The following THADA variants were observed in gnomAD, a reference collection of about 807,000 sequenced individuals.
The protein encoded by THADA is THADA armadillo repeat containing.
A neutral mutation model predicts 219.8 loss-of-function variants in THADA; 213 were observed. The ratio of observed to expected loss-of-function variants is 0.97; its 90% confidence interval spans 0.87 to 1.09. The LOEUF (loss-of-function observed/expected upper bound fraction) is 1.09, where lower values mean the gene tolerates loss of function less well. THADA is among the 50% of genes least tolerant of loss of function. THADA has a pLI of 0.00. For synonymous variants in THADA, 1,018 were observed against 828.9 expected, an observed-to-expected ratio of 1.23 and a Z score of -3.92; for missense variants, 2,956 against 2,311.3, an observed-to-expected ratio of 1.28 and a Z score of -5.72.
intron 8 of THADA, among the ~76,000 whole-genome samples, chr2:43,580,586 A>C (rs1700326632): frequency 6.6e-6 from 1 of 152,130 alleles, no homozygotes; most frequent in Non-Finnish European, 1.5e-5. Context: ...AGGGTTAAAA[A>C]CACAAACAAT....
chr2:43,358,459 G>A (rs1227613748), intron 29 of THADA, among the ~76,000 whole-genome samples: 2 of 152,160 alleles, frequency 1.3e-5, no homozygotes, highest in African/African-American at 4.8e-5. Context: ...CCCACTGGGG[G>A]CAGAGAAGGC....
At chr2:43,427,617 T>C (rs377184104) in intron 28 of THADA, among the ~76,000 whole-genome samples, 2 of 148,634 alleles carry the variant, frequency 1.3e-5, no homozygotes, top group African/African-American at 4.9e-5. Context: ...AATAGTTATA[T>C]ATATAATAGT....
At chr2:43,386,678 G>A (rs1025312424) in intron 29 of THADA, among the ~76,000 whole-genome samples, 2 of 152,118 alleles carry the variant, frequency 1.3e-5, no homozygotes, top group Non-Finnish European at 1.5e-5. Context: ...TAGATTACCT[G>A]AGGTTGGGGG....
At chr2:43,449,399 A>G (rs1214146253) in intron 26 of THADA, among the ~76,000 whole-genome samples, 1 of 152,166 alleles carries the variant, frequency 6.6e-6, no homozygotes, top group Non-Finnish European at 1.5e-5. Context: ...AGGTAAAGAG[A>G]TTATCTAAAG....
At chr2:43,317,638 C>A (rs1366429642) in intron 31 of THADA, among the ~76,000 whole-genome samples, 1 of 152,218 alleles carries the variant, frequency 6.6e-6, no homozygotes, top group Non-Finnish European at 1.5e-5. Context: ...ACAGTGCTTT[C>A]CATCTTAATT....
At chr2:43,292,057 G>C (rs1381160983) in intron 33 of THADA, 47 bp downstream of exon 33, 4 of 1,273,408 alleles carry the variant, frequency 3.1e-6, no homozygotes. Context: ...ATGACTGATG[G>C]GACCATACAT....
intron 29 of THADA, among the ~76,000 whole-genome samples, chr2:43,386,682 T>C (rs1213941108): frequency 6.6e-6 from 1 of 152,038 alleles, no homozygotes; most frequent in East Asian, 1.9e-4. Flanking sequence ...TTACCTGAGG[T>C]TGGGGGTTCA....
intron 25 of THADA, among the ~76,000 whole-genome samples, chr2:43,496,197 T>C (rs909438947): frequency 6.6e-6 from 1 of 152,200 alleles, no homozygotes; most frequent in Non-Finnish European, 1.5e-5. Context: ...TTTGCCAGAC[T>C]TTTTACTTTA....
chr2:43,448,153 C>A (rs35114568), intron 26 of THADA, among the ~76,000 whole-genome samples: 24,227 of 152,208 alleles, frequency 0.16, 2,453 homozygotes, highest in Middle Eastern at 0.23. Flanking sequence ...GTAGGAAGCA[C>A]TAGGAACCTG....
At chr2:43,319,750 G>A (rs1436229521) in intron 31 of THADA, among the ~76,000 whole-genome samples, 1 of 152,120 alleles carries the variant, frequency 6.6e-6, no homozygotes, top group African/African-American at 2.4e-5. Flanking sequence ...TTAACCAGTT[G>A]CAGACTCATT....
intron 29 of THADA, among the ~76,000 whole-genome samples, chr2:43,397,471 T>C (rs1674219911): frequency 1.3e-5 from 2 of 152,050 alleles, no homozygotes; most frequent in Admixed American, 1.3e-4. Flanking sequence ...TTATTCAAAG[T>C]AATAAGTTTT....
chr2:43,441,101 T>C (rs147142320), intron 26 of THADA, among the ~76,000 whole-genome samples: 1 of 152,362 alleles, frequency 6.6e-6, no homozygotes, highest in Non-Finnish European at 1.5e-5. Context: ...GTTAAAATTA[T>C]TGTGGCCATG....
intron 29 of THADA, among the ~76,000 whole-genome samples, chr2:43,347,459 G>C (rs1222561034): frequency 6.6e-6 from 1 of 152,140 alleles, no homozygotes; most frequent in Non-Finnish European, 1.5e-5. Flanking sequence ...ATCGAGGGAA[G>C]GGTATGCAAG....
chr2:43,379,842 T>C (rs1671791385), intron 29 of THADA, among the ~76,000 whole-genome samples: 1 of 152,148 alleles, frequency 6.6e-6, no homozygotes, highest in African/African-American at 2.4e-5. Context: ...ATCCATAAAA[T>C]GAAACAGTAT....
At chr2:43,567,196 G>C (rs1445530405) in intron 14 of THADA, among the ~76,000 whole-genome samples, 1 of 151,856 alleles carries the variant, frequency 6.6e-6, no homozygotes, top group East Asian at 1.9e-4. Flanking sequence ...TGCAACCCTG[G>C]GGAATTATCC....
chr2:43,344,046 C>G, intron 30 of THADA, 76 bp downstream of exon 30: 1 of 1,080,216 alleles, frequency 9.3e-7, no homozygotes, highest in Non-Finnish European at 1.4e-6. Context: ...TAAAACTCCC[C>G]ACAACTAGAA....
chr2:43,328,933 T>C (rs142544615), intron 30 of THADA, among the ~76,000 whole-genome samples: 20 of 152,292 alleles, frequency 1.3e-4, no homozygotes, highest in Middle Eastern at 3.4e-3. Flanking sequence ...TCCAGAATCC[T>C]CATATTTTTC....
chr2:43,504,835 G>A (rs528092499), intron 24 of THADA, among the ~76,000 whole-genome samples: 31 of 152,164 alleles, frequency 2.0e-4, no homozygotes, highest in Admixed American at 5.9e-4. Context: ...AGTGAGCCAC[G>A]ATCGCACCAC....
Position 43,578,531 on chromosome 2 carries a change from A to G in THADA, c.798T>C (p.Ser266=), listed in dbSNP as rs1559012441. Residue 266 remains serine, a synonymous_variant, in exon 9 of 38, where the codon TCT becomes TCC. Transcript: ENST00000405975. ...CACTTACCAAATGAGGAATCTTTTC[A>G]GACGGGTGAAACATAGTCTTAATAA... ...ILFIKTMFHP[S]EKIPHLISSV... is the part of the protein sequence containing the mutation. 1 of 1,611,524 alleles carries G rather than the reference A, an allele frequency of 6.2e-7. No individual in the cohort carries two copies. Among genetic ancestry groups the G allele is most frequent in the Non-Finnish European group, 8.5e-7 (1 of 1,177,846 alleles).
Sources: allele counts gnomAD v4.1 joint callset (sites outside exome capture counted in the v4.1 genomes callset), GRCh38; gene constraint gnomAD v4.1.1; transcripts MANE v1.5; gene names NCBI Gene and HGNC (gene_info 2026-07-23, HGNC 2026-07-21).